The following ADARB2 variants were observed in gnomAD, a reference collection of about 807,000 sequenced individuals.
The protein encoded by ADARB2 is inactive double-stranded RNA-specific editase B2.
A neutral mutation model predicts 62.2 loss-of-function variants in ADARB2; 25 were observed. The observed-to-expected ratio is 0.40, with a 90% confidence interval of 0.29 to 0.56. The LOEUF is 0.56. Ranked by LOEUF, ADARB2 falls within the 20% of genes least tolerant of loss-of-function variation. ADARB2 has a pLI of 0.43. For missense variants in ADARB2, 1,071 were observed against 1,077.4 expected (o/e 0.99, Z 0.08); for synonymous variants, 572 against 500.8 (o/e 1.14, Z -1.90).
intron 1 of ADARB2, among the ~76,000 whole-genome samples, chr10:1,381,259 T>C (rs1193704001): frequency 7.2e-5 from 11 of 152,234 alleles, no homozygotes; most frequent in Non-Finnish European, 1.2e-4. Flanking sequence ...AGGACTTCAA[T>C]AGACATTTCT....
intron 1 of ADARB2, among the ~76,000 whole-genome samples, chr10:1,417,227 A>C (rs773416560): frequency 3.9e-5 from 6 of 152,188 alleles, no homozygotes; most frequent in South Asian, 4.2e-4. Context: ...ACAGTCAAGA[A>C]GTGTAGACCA....
intron 8 of ADARB2, among the ~76,000 whole-genome samples, chr10:1,192,660 C>A (rs1378551302): frequency 6.6e-6 from 1 of 152,228 alleles, no homozygotes; most frequent in East Asian, 1.9e-4. Context: ...CTAAAAACTT[C>A]TGTGGGTTCG....
intron 1 of ADARB2, among the ~76,000 whole-genome samples, chr10:1,392,861 C>A (rs1832582162): frequency 6.6e-6 from 1 of 152,122 alleles, no homozygotes; most frequent in African/African-American, 2.4e-5. Context: ...TGAATGATAT[C>A]CTACAAGAAT....
chr10:1,297,781 C>G (rs556777349), intron 3 of ADARB2, among the ~76,000 whole-genome samples: 11 of 152,192 alleles, frequency 7.2e-5, no homozygotes, highest in Admixed American at 7.2e-4. Flanking sequence ...AGTCTAGAGA[C>G]GCGGGCACAG....
chr10:1,674,550 T>C (rs1834436199), intron 1 of ADARB2, among the ~76,000 whole-genome samples: 1 of 152,216 alleles, frequency 6.6e-6, no homozygotes, highest in Non-Finnish European at 1.5e-5. Context: ...TGATAAACTG[T>C]GCAGATATCG....
At chr10:1,431,033 T>C (rs905452095) in intron 1 of ADARB2, among the ~76,000 whole-genome samples, 1 of 152,220 alleles carries the variant, frequency 6.6e-6, no homozygotes, top group Non-Finnish European at 1.5e-5. Flanking sequence ...AGCAAGGATA[T>C]AGAAGACTTG....
At chr10:1,307,158 G>A (rs1831637339) in intron 3 of ADARB2, among the ~76,000 whole-genome samples, 1 of 104,828 alleles carries the variant, frequency 9.5e-6, no homozygotes. Flanking sequence ...CTACAAAATG[G>A]GAGAAAATTT....
chr10:1,347,118 C>T (rs1452360241), intron 3 of ADARB2, among the ~76,000 whole-genome samples: 1 of 152,210 alleles, frequency 6.6e-6, no homozygotes, highest in Non-Finnish European at 1.5e-5. Context: ...CAGGACTGGC[C>T]CATTCCCTTC....
chr10:1,617,731 A>C (rs1303964246), intron 1 of ADARB2, among the ~76,000 whole-genome samples: 1 of 150,910 alleles, frequency 6.6e-6, no homozygotes, highest in Non-Finnish European at 1.5e-5. Flanking sequence ...AGAGGGTTGC[A>C]TTCTGTCGCT....
chr10:1,290,748 A>C (rs1402173248), intron 3 of ADARB2: 5 of 152,256 alleles, frequency 3.3e-5, no homozygotes, highest in Admixed American at 2.6e-4. Flanking sequence ...TAAATCGTTA[A>C]ATATCCACAA....
intron 1 of ADARB2, among the ~76,000 whole-genome samples, chr10:1,451,508 G>A (rs184676683): frequency 6.6e-6 from 1 of 152,260 alleles, no homozygotes; most frequent in East Asian, 1.9e-4. Context: ...TGCAGAGAAG[G>A]GGACACACCT....
intron 1 of ADARB2, among the ~76,000 whole-genome samples, chr10:1,590,905 G>T (rs924428042): frequency 2.0e-4 from 30 of 152,138 alleles, no homozygotes; most frequent in Non-Finnish European, 3.7e-4. Flanking sequence ...GGGTGCTCAG[G>T]TTACTCAGTA....
At chr10:1,342,205 C>G (rs1832036297) in intron 3 of ADARB2, among the ~76,000 whole-genome samples, 1 of 152,132 alleles carries the variant, frequency 6.6e-6, no homozygotes. Context: ...AATTTTTAAC[C>G]CTCTGCCTGG....
At chr10:1,503,928 G>A (rs1337932308) in intron 1 of ADARB2, among the ~76,000 whole-genome samples, 1 of 152,264 alleles carries the variant, frequency 6.6e-6, no homozygotes, top group African/African-American at 2.4e-5. Flanking sequence ...TGTACAGCCT[G>A]CAGAACCGTG....
chr10:1,414,418 G>A (rs541386665), intron 1 of ADARB2, among the ~76,000 whole-genome samples: 2 of 152,170 alleles, frequency 1.3e-5, no homozygotes. Flanking sequence ...AAAATCCCTC[G>A]TGGCTTGGAT....
Position 1,179,706 on chromosome 10 carries a change from G to C in ADARB2, c.*3487C>G, listed in dbSNP as rs560583968. 6.6e-6 allele frequency: 1 copy of C among 152,234 alleles called. No homozygotes were observed. The highest frequency in any genetic ancestry group is 1.9e-4 in the East Asian group (1 of 5,190). 9.4% of individuals were successfully genotyped at this position (152,234 alleles called of 1,614,324 possible). On this transcript the variant is annotated 3_prime_UTR_variant, in exon 10 of 10. Transcript: ENST00000381312. ...TGGTTTTATGAGGACTTTTGTAGGG[G>C]CCTAAGCAGGCATGAATATAGACTA... is the stretch of plus-strand genomic sequence containing the variant.
rs139449180 is a variant in ADARB2, at chr10:1,732,361, G to A, written c.100+4690C>T. Among the ~76,000 whole-genome samples the A allele has an allele frequency of 1.4e-4, 21 of 149,666 alleles. No homozygotes were observed. In the East Asian group the frequency reaches 3.9e-3, roughly 28 times the overall value. Reference sequence around the variant, plus strand: ...TTTTCTATGTTTCCTTACGTAATGCGCTTCTGAGATGGTTCTTCTGCAGGA... The same window carrying A: ...TTTTCTATGTTTCCTTACGTAATGCACTTCTGAGATGGTTCTTCTGCAGGA... On this transcript the variant is annotated intron_variant, in intron 1 of 9. Transcript: ENST00000381312.
At chr10:1,603,836 C>G (rs990729991) in intron 1 of ADARB2, among the ~76,000 whole-genome samples, 2 of 151,840 alleles carry the variant, frequency 1.3e-5, no homozygotes, top group African/African-American at 4.8e-5. Context: ...CAGAGTTTTA[C>G]TCTGTCTCCA....
chr10:1,346,965 A>G (rs75185236), intron 3 of ADARB2, among the ~76,000 whole-genome samples: 2,271 of 152,344 alleles, frequency 0.015, 42 homozygotes, highest in African/African-American at 0.041. Flanking sequence ...AGCCCCCAGC[A>G]TATGTGCCCA....
Sources: allele counts gnomAD v4.1 joint callset (sites outside exome capture counted in the v4.1 genomes callset), GRCh38; gene constraint gnomAD v4.1.1; transcripts MANE v1.5; gene names NCBI Gene and HGNC (gene_info 2026-07-23, HGNC 2026-07-21).